The following MAF variants were observed in gnomAD, a reference collection of about 807,000 sequenced individuals.
MAF encodes transcription factor Maf.
MAF carries 10 observed loss-of-function variants against 22.0 expected under a neutral mutation model. The observed-to-expected ratio is 0.45, with a 90% CI of 0.28 to 0.77. The LOEUF is 0.77. Ranked by LOEUF, MAF falls within the 30% of genes least tolerant of loss-of-function variation. The probability of loss-of-function intolerance (pLI) is 0.12; values close to 1 mark genes in which losing one functional copy is unlikely to be tolerated. For missense variants in MAF, 544 were observed against 548.4 expected, an observed-to-expected ratio of 0.99 and a Z score of 0.08; for synonymous variants, 337 against 255.8, an observed-to-expected ratio of 1.32 and a Z score of -3.03.
the MAF span, among the ~76,000 whole-genome samples, chr16:79,303,894 T>C: frequency 6.6e-6 from 1 of 152,128 alleles, no homozygotes; most frequent in Non-Finnish European, 1.5e-5. Context: ...ACTTATGTCA[T>C]GTCAAAATGC....
At chr16:79,279,327 C>A in the MAF span, among the ~76,000 whole-genome samples, 5 of 152,154 alleles carry the variant, frequency 3.3e-5, no homozygotes, top group Non-Finnish European at 7.3e-5. Flanking sequence ...GGAATGACAG[C>A]AATACCAGCC....
At chr16:79,323,129 A>G in the MAF span, among the ~76,000 whole-genome samples, 1 of 124,500 alleles carries the variant, frequency 8.0e-6, no homozygotes, top group African/African-American at 3.1e-5. Context: ...AGCCTGGGTG[A>G]CAGCGCGAGA....
At chr16:79,380,804 C>G in the MAF span, among the ~76,000 whole-genome samples, 1 of 152,210 alleles carries the variant, frequency 6.6e-6, no homozygotes, top group Admixed American at 6.5e-5. Context: ...ACCCACCGGC[C>G]ATTGACCCTA....
At chr16:79,227,628 C>G in the MAF span, among the ~76,000 whole-genome samples, 4 of 151,736 alleles carry the variant, frequency 2.6e-5, no homozygotes, top group African/African-American at 7.2e-5. Flanking sequence ...AAACCCCATT[C>G]TACGTTTTGT....
the MAF span, among the ~76,000 whole-genome samples, chr16:79,413,212 T>TGTTG: frequency 9.7e-5 from 1 of 10,264 alleles, no homozygotes; most frequent in African/African-American, 4.8e-4. Context: ...GCTGTGCAGT[T>TGTTG]TTTTTTTTTT....
At chr16:79,349,352 C>T in the MAF span, among the ~76,000 whole-genome samples, 25 of 152,318 alleles carry the variant, frequency 1.6e-4, no homozygotes, top group South Asian at 2.7e-3. Flanking sequence ...CAAAGAACCC[C>T]GATCTCCTTT....
the MAF span, among the ~76,000 whole-genome samples, chr16:79,323,718 C>T: frequency 6.6e-6 from 1 of 152,166 alleles, no homozygotes; most frequent in South Asian, 2.1e-4. Context: ...AGACTCACTC[C>T]CCTCACACCG....
the MAF span, among the ~76,000 whole-genome samples, chr16:79,321,638 T>G: frequency 1.7e-4 from 23 of 133,936 alleles, no homozygotes; most frequent in Non-Finnish European, 2.5e-4. Context: ...TATGTGTTTT[T>G]CTTTTTCTTT....
At chr16:79,585,200 G>A (rs895750292), downstream of MAF, among the ~76,000 whole-genome samples, 4 of 152,098 alleles carry the variant, frequency 2.6e-5, no homozygotes, top group African/African-American at 9.7e-5. Flanking sequence ...TTCATGCTGG[G>A]ACACTTGTAA....
the MAF span, among the ~76,000 whole-genome samples, chr16:79,314,452 G>A: frequency 6.6e-6 from 1 of 152,194 alleles, no homozygotes; most frequent in Non-Finnish European, 1.5e-5. Flanking sequence ...CTGGCCAGAT[G>A]TCCCATCAAA....
At chr16:79,461,240 A>T in the MAF span, among the ~76,000 whole-genome samples, 4 of 152,202 alleles carry the variant, frequency 2.6e-5, no homozygotes, top group Non-Finnish European at 5.9e-5. Context: ...TAGAGGTGAT[A>T]TATTTACTTA....
the MAF span, among the ~76,000 whole-genome samples, chr16:79,355,744 G>A: frequency 6.6e-6 from 1 of 152,194 alleles, no homozygotes; most frequent in Admixed American, 6.5e-5. Flanking sequence ...AACTTTTGCA[G>A]GGAGAGATAG....
At chr16:79,227,151 T>A in the MAF span, among the ~76,000 whole-genome samples, 1 of 152,174 alleles carries the variant, frequency 6.6e-6, no homozygotes, top group Admixed American at 6.6e-5. Context: ...GAGCCTGGTC[T>A]CAACCCCATC....
chr16:79,357,871 C>G, the MAF span, among the ~76,000 whole-genome samples: 8 of 152,230 alleles, frequency 5.3e-5, no homozygotes, highest in East Asian at 1.5e-3. Context: ...ATCCCCCTTG[C>G]ATGGGTCTGC....
chr16:79,600,110 C>G lies in MAF; in HGVS notation c.-208G>C. 1.7e-6 allele frequency: 1 copy of G among 584,894 alleles called. No individual in the cohort carries two copies. Among genetic ancestry groups the G allele is most frequent in the East Asian group, 3.2e-5 (1 of 31,160 alleles). The allele number at this position is 584,894 out of a possible 1,614,324, so 36.2% of individuals were successfully genotyped here. A position where few individuals can be genotyped will look rare whatever the true frequency, so the allele number is the denominator to read the frequency against. On this transcript the variant is annotated 5_prime_UTR_variant, in exon 1 of 2. Transcript: ENST00000326043. ...GCCCGCGCCCCCCGCGCCCGCCCTC[C>G]CTCCCCCCTGCTCACGCCAATGTGC...
chr16:79,597,784 A>C, intron 1 of MAF: 1 of 1,016,398 alleles, frequency 9.8e-7, no homozygotes, highest in Non-Finnish European at 1.2e-6. Context: ...TATACCATAC[A>C]TGTCCAGCAT....
Position 79,599,232 on chromosome 16 carries a change from G to A in MAF, c.671C>T (p.Ala224Val). 5.1e-6 allele frequency: 5 copies of A among 978,120 alleles called. No individual in the cohort carries two copies. The highest frequency in any genetic ancestry group is 6.0e-6 in the Non-Finnish European group (5 of 826,982). The allele number at this position is 978,120 out of a possible 1,614,324, so 60.6% of individuals were successfully genotyped here. ...GGAGGGGPAS[A>V]GGGGGGGGGG... ...GCCGCCGCCGCCGCCGCCGCCCCCA[G>A]CGCTGGCCGGGCCACCGCCGCCCGC... Residue 224 changes from alanine (A) to valine (V), a missense_variant, in exon 1 of 2, where the codon GCT becomes GTT. Ala to Val is a moderately conservative substitution (Grantham distance 64). Transcript: ENST00000326043.
chr16:79,397,773 C>G, the MAF span, among the ~76,000 whole-genome samples: 3,171 of 152,214 alleles, frequency 0.021, 64 homozygotes, highest in Middle Eastern at 0.054. Flanking sequence ...GTAGAGCCCC[C>G]CTCCCCGGTG....
At chr16:79,206,173 G>GC in the MAF span, 1 of 152,176 alleles carries the variant, frequency 6.6e-6, no homozygotes, top group Admixed American at 6.5e-5. Context: ...ACACACGACA[G>GC]CCCCCACATT....
Sources: allele counts gnomAD v4.1 joint callset (sites outside exome capture counted in the v4.1 genomes callset), GRCh38; gene constraint gnomAD v4.1.1; transcripts MANE v1.5; gene names NCBI Gene and HGNC (gene_info 2026-07-23, HGNC 2026-07-21).